DAAM2: variants seen among roughly 807,000 people sequenced by gnomAD.
DAAM2 encodes the protein dishevelled associated activator of morphogenesis 2.
Under a neutral mutation model 120.7 loss-of-function variants are expected in DAAM2, and 39 were observed. The ratio of observed to expected loss-of-function variants is 0.32; its 90% CI spans 0.25 to 0.42. DAAM2 has a LOEUF of 0.42. Among genes scored for constraint, DAAM2 ranks in the 10% least tolerant of loss-of-function variants. The probability of loss-of-function intolerance (pLI) is 1.00; values close to 1 mark genes in which losing one functional copy is unlikely to be tolerated. For synonymous variants in DAAM2, 488 were observed against 524.9 expected (o/e 0.93, Z 0.96); for missense variants, 1,283 against 1,401.7 (o/e 0.92, Z 1.35).
Position 39,888,598 on chromosome 6 carries a change from G to T in DAAM2, c.2061-81G>T, listed in dbSNP as rs1765512124. 3.8e-5 allele frequency: 45 copies of T among 1,183,776 alleles called. No homozygotes were observed. In the Middle Eastern group the frequency reaches 5.9e-4, roughly 16 times the overall value. 73.3% of individuals were successfully genotyped at this position (1,183,776 alleles called of 1,614,324 possible). On this transcript the variant is annotated intron_variant, in intron 16 of 24. Coordinates refer to ENST00000274867, the MANE Select transcript of DAAM2 (RefSeq NM_001201427.2). The stretch of plus-strand genomic sequence containing the variant: ...AAATATATTCCCAAGTCCTGTTAGG[G>T]AATGAGGGAAGGCGGAGGTGGTACC...
intron 1 of DAAM2, among the ~76,000 whole-genome samples, chr6:39,804,320 T>A (rs1336934050): frequency 6.6e-6 from 1 of 152,236 alleles, no homozygotes; most frequent in Admixed American, 6.5e-5. Flanking sequence ...CTGCAGTGTT[T>A]ACAGTGTCTG....
At chr6:39,796,807 TC>T in intron 1 of DAAM2, among the ~76,000 whole-genome samples, 1 of 151,890 alleles carries the variant, frequency 6.6e-6, no homozygotes, top group Middle Eastern at 3.4e-3. Context: ...CTTGCTAACC[TC>T]TCTGAGTCTT....
At chr6:39,861,065 G>A (rs1400584231) in intron 3 of DAAM2, 48 bp downstream of exon 3, 1 of 1,477,602 alleles carries the variant, frequency 6.8e-7, no homozygotes, top group Non-Finnish European at 9.3e-7. Context: ...CATGGCATGG[G>A]GTGGCTCTTG....
intron 1 of DAAM2, among the ~76,000 whole-genome samples, chr6:39,842,586 CTG>C (rs1763388440): frequency 6.6e-6 from 1 of 152,144 alleles, no homozygotes; most frequent in South Asian, 2.1e-4. Context: ...TGAGCCGAGA[CTG>C]TGCCACTGTA....
Position 39,902,353 on chromosome 6 carries a change from T to G in DAAM2, c.*316T>G. The G allele has an allele frequency of 7.9e-6, 2 of 253,960 alleles. No homozygotes were observed. The highest frequency in any genetic ancestry group is 1.5e-5 in the Non-Finnish European group (2 of 133,760). The allele number at this position is 253,960 out of a possible 1,614,324, so 15.7% of individuals were successfully genotyped here. ...CCCCATCCCCTACCATGGGCACCCA[T>G]GTGCTGGCACAGAACAGTTCCAGAT... On this transcript the variant is annotated 3_prime_UTR_variant, in exon 25 of 25. Coordinates refer to ENST00000274867, the MANE Select transcript of DAAM2 (RefSeq NM_001201427.2).
intron 1 of DAAM2, among the ~76,000 whole-genome samples, chr6:39,825,453 GGC>G (rs1562006609): frequency 1.9e-4 from 25 of 130,874 alleles, no homozygotes; most frequent in Admixed American, 5.5e-4. Context: ...GTTGGTGGGG[GGC>G]CTTTGTTTCT....
chr6:39,807,564 A>G (rs1479798107), intron 1 of DAAM2, among the ~76,000 whole-genome samples: 1 of 152,146 alleles, frequency 6.6e-6, no homozygotes, highest in East Asian at 1.9e-4. Flanking sequence ...TCACCCAGAC[A>G]GGAGTGCAAT....
At chr6:39,857,261 T>TC (rs1177700799) in intron 2 of DAAM2, among the ~76,000 whole-genome samples, 1 of 152,244 alleles carries the variant, frequency 6.6e-6, no homozygotes, top group African/African-American at 2.4e-5. Context: ...TACATGTTCA[T>TC]CTACCATTAG....
chr6:39,829,034 T>C, intron 1 of DAAM2, among the ~76,000 whole-genome samples: 1 of 152,238 alleles, frequency 6.6e-6, no homozygotes, highest in African/African-American at 2.4e-5. Context: ...CATGAATGAA[T>C]AGCAGAGATG....
chr6:39,848,961 T>A (rs1763703281), intron 1 of DAAM2: 1 of 152,208 alleles, frequency 6.6e-6, no homozygotes, highest in African/African-American at 2.4e-5. Context: ...AATAATTACA[T>A]CTTTATTATG....
intron 1 of DAAM2, among the ~76,000 whole-genome samples, chr6:39,846,517 T>C (rs1326059874): frequency 6.6e-6 from 1 of 152,178 alleles, no homozygotes; most frequent in African/African-American, 2.4e-5. Context: ...TGGACTTCTG[T>C]TCTTGATCTT....
intron 13 of DAAM2, 123 bp from the exon 14 acceptor site, chr6:39,879,055 A>T: frequency 1.5e-6 from 1 of 655,958 alleles, no homozygotes; most frequent in South Asian, 1.9e-5. Context: ...TGTGTGTAGA[A>T]GATAAGGGTA....
chr6:39,823,023 G>C (rs1762542148), intron 1 of DAAM2: 1 of 152,154 alleles, frequency 6.6e-6, no homozygotes, highest in Non-Finnish European at 1.5e-5. Flanking sequence ...TAATAATACT[G>C]TAAAAATTGG....
Position 39,879,178 on chromosome 6 carries a change from A to T in DAAM2, c.1546A>T (p.Thr516Ser). 1.3e-6 allele frequency: 2 copies of T among 1,543,330 alleles called. No homozygotes were observed. Among genetic ancestry groups the T allele is most frequent in the East Asian group, 2.4e-5 (1 of 40,882 alleles). Residue 516 changes from threonine (T) to serine (S), a missense_variant and splice_region_variant, in exon 14 of 25, where the codon ACA becomes TCA. Transcript: ENST00000274867. ...TTGCAATTTTTCTGTTTCCTCACAG[A>T]CAGGCCCTGTATCTTCCCCACCACC... ...ELVAQLSELS[T>S]GPVSSPPPPG...
intron 1 of DAAM2, among the ~76,000 whole-genome samples, chr6:39,807,321 G>A (rs1302173865): frequency 6.6e-6 from 1 of 152,100 alleles, no homozygotes; most frequent in Admixed American, 6.6e-5. Flanking sequence ...TTAAAATCAT[G>A]TAAAACAATA....
intron 1 of DAAM2, among the ~76,000 whole-genome samples, chr6:39,831,284 G>C (rs771224649): frequency 3.9e-5 from 6 of 152,074 alleles, no homozygotes; most frequent in Non-Finnish European, 8.8e-5. Flanking sequence ...GAAGGGAAGG[G>C]AGATGGGAGG....
At chr6:39,870,195 A>G (rs563329976) in intron 7 of DAAM2, 145 bp from the exon 8 acceptor site, 78 of 620,114 alleles carry the variant, frequency 1.3e-4, no homozygotes, top group Non-Finnish European at 2.0e-4. Context: ...CTTTCTTGGA[A>G]CTCTGGGATT....
chr6:39,870,351 G>A lies in DAAM2; in HGVS notation c.885G>A (p.Glu295=). 1 of 1,572,188 alleles carries A rather than the reference G, an allele frequency of 6.4e-7. No homozygotes were observed. The highest frequency in any genetic ancestry group is 8.6e-7 in the Non-Finnish European group (1 of 1,156,768). ...TTGGTGACCCCCAGGATAATCTGGA[G>A]TTCCGCCTACATCTACGGTATGAAT... ...LNAGAGEDNL[E]FRLHLRYEFL... The change falls in exon 8 of 25, where the codon GAG becomes GAA. Residue 295 remains glutamate, a synonymous_variant. Coordinates refer to ENST00000274867, the MANE Select transcript of DAAM2 (RefSeq NM_001201427.2).
At chr6:39,829,681 C>T (rs560669547) in intron 1 of DAAM2, among the ~76,000 whole-genome samples, 42 of 152,316 alleles carry the variant, frequency 2.8e-4, no homozygotes, top group African/African-American at 1.0e-3. Context: ...TTGGCACACT[C>T]AGACATTTCT....
Sources: gnomAD v4.1 joint callset for allele counts (sites outside exome capture counted in the v4.1 genomes callset) on GRCh38, gnomAD v4.1.1 for gene constraint, MANE v1.5 for transcripts, NCBI Gene and HGNC (gene_info 2026-07-23, HGNC 2026-07-21) for gene names.